The following UBAP2L variants were observed in gnomAD, a reference collection of about 807,000 sequenced individuals.
UBAP2L encodes ubiquitin-associated protein 2-like.
Under a neutral mutation model 130.6 loss-of-function variants are expected in UBAP2L, and 12 were observed. The observed-to-expected ratio is 0.09, with a 90% CI of 0.06 to 0.15. The LOEUF is 0.15. UBAP2L is among the 10% of genes least tolerant of loss of function. The pLI is 1.00. For missense variants in UBAP2L, 965 were observed against 1,332.5 expected (o/e 0.72, Z 4.29); for synonymous variants, 503 against 524.7 (o/e 0.96, Z 0.57).
chr1:154,267,880 C>CTTCTTTTTTTTTTTTTTTTTTTTTTTTT (rs1683765424), intron 25 of UBAP2L, among the ~76,000 whole-genome samples: 1 of 52,056 alleles, frequency 1.9e-5, no homozygotes, highest in African/African-American at 8.2e-5. Flanking sequence ...CTTATTTGGT[C>CTTCTTTTTTTTTTTTTTTTTTTTTTTTT]TTTTTTTTTT....
chr1:154,253,984 C>G lies in UBAP2L; in HGVS notation c.1749C>G (p.Ser583=). 6.2e-7 allele frequency: 1 copy of G among 1,613,950 alleles called. No homozygotes were observed. Among genetic ancestry groups the G allele is most frequent in the South Asian group, 1.1e-5 (1 of 91,052 alleles). Residue 583 remains serine, a synonymous_variant, in exon 15 of 27, where the codon TCC becomes TCG. Transcript: ENST00000428931. ...SGPIQSTTYT[S]QNNAQGPLYE... ...CAATTCAGTCGACAACCTATACCTC[C>G]CAAAATAATGCTCAGGGCCCTCTTT... is the stretch of plus-strand genomic sequence containing the variant.
At position 154,237,056 on chromosome 1, in the gene UBAP2L, C is replaced by G; in HGVS notation, c.623C>G (p.Ala208Gly). ...AACCCAGCTGATTATGCAGAGCCAG[C>G]CAATACTGATGATAACTATGGCAAT... ...TFNPADYAEP[A>G]NTDDNYGNSS... Residue 208 changes from alanine (A) to glycine (G), a missense_variant, in exon 8 of 27, where the codon GCC (alanine) becomes GGC (glycine). This residue lies in a region of UBAP2L where 109 missense variants were observed against 146.6 expected (regional missense o/e 0.74). Coordinates refer to ENST00000428931, the MANE Select transcript of UBAP2L (RefSeq NM_014847.4). 1 of 1,614,112 alleles carries G rather than the reference C, an allele frequency of 6.2e-7. No homozygotes were observed. Among genetic ancestry groups the G allele is most frequent in the Non-Finnish European group, 8.5e-7 (1 of 1,179,984 alleles).
intron 25 of UBAP2L, among the ~76,000 whole-genome samples, chr1:154,268,245 G>GC (rs1440258428): frequency 6.6e-6 from 1 of 151,298 alleles, no homozygotes; most frequent in Non-Finnish European, 1.5e-5. Context: ...AGGCTGGAGT[G>GC]CAGTGGCACA....
At chr1:154,247,933 C>T (rs1269198328) in intron 11 of UBAP2L, among the ~76,000 whole-genome samples, 2 of 151,372 alleles carry the variant, frequency 1.3e-5, no homozygotes, top group East Asian at 3.9e-4. Context: ...ATACAGTGAA[C>T]ACTAGGTAAT....
intron 9 of UBAP2L, chr1:154,241,819 C>T (rs774751810): frequency 1.0e-5 from 10 of 975,576 alleles, no homozygotes; most frequent in South Asian, 4.7e-5. Context: ...ATCTGATTGT[C>T]GGATTTATCC....
At chr1:154,235,701 G>C (rs909217145) in intron 6 of UBAP2L, among the ~76,000 whole-genome samples, 11 of 152,186 alleles carry the variant, frequency 7.2e-5, no homozygotes, top group African/African-American at 2.7e-4. Flanking sequence ...GTAGAGATGG[G>C]CTTTCACTAC....
chr1:154,257,365 C>G lies in UBAP2L; in HGVS notation c.2373C>G (p.Leu791=), dbSNP rs762883684. 1.5e-5 allele frequency: 25 copies of G among 1,613,778 alleles called. No individual in the cohort carries two copies. The highest frequency in any genetic ancestry group is 2.2e-5 in the South Asian group (2 of 91,056). The change falls in exon 20 of 27, where the codon CTC becomes CTG. Residue 791 remains leucine (L), a synonymous_variant. Coordinates refer to ENST00000428931, the MANE Select transcript of UBAP2L (RefSeq NM_014847.4). Reference sequence around the variant, plus strand: ...TTTTAGGAAAAGCTCCTCCCAACCTCCCTCCTGGGGTCCCGCCGTTGTTGC... The same window carrying G: ...TTTTAGGAAAAGCTCCTCCCAACCTGCCTCCTGGGGTCCCGCCGTTGTTGC... ...ATTSGKAPPN[L]PPGVPPLLPN...
chr1:154,269,385 CTG>C (rs1684230330), intron 26 of UBAP2L: 2 of 1,315,928 alleles, frequency 1.5e-6, no homozygotes, highest in South Asian at 1.2e-5. Flanking sequence ...AGATGATTCT[CTG>C]TTGCCAGCGC....
chr1:154,238,347 A>T (rs1672359063), intron 8 of UBAP2L, among the ~76,000 whole-genome samples: 1 of 152,222 alleles, frequency 6.6e-6, no homozygotes, highest in Non-Finnish European at 1.5e-5. Flanking sequence ...ACTGTTCTTC[A>T]TTCATCTCTT....
chr1:154,255,600 T>C (rs1679358251), intron 17 of UBAP2L, 83 bp from the exon 18 acceptor site: 1 of 1,488,408 alleles, frequency 6.7e-7, no homozygotes. Context: ...TTATGTCTTA[T>C]TTCCTTGTTA....
At chr1:154,248,580 G>T (rs1676403270) in intron 11 of UBAP2L, among the ~76,000 whole-genome samples, 1 of 152,146 alleles carries the variant, frequency 6.6e-6, no homozygotes, top group Admixed American at 6.5e-5. Context: ...ACTTTGGGAG[G>T]CCGAGGCGGG....
intron 24 of UBAP2L, among the ~76,000 whole-genome samples, chr1:154,264,173 C>T (rs1215110235): frequency 2.6e-5 from 4 of 152,156 alleles, no homozygotes; most frequent in Admixed American, 6.5e-5. Flanking sequence ...ATAAAGTTAA[C>T]GTGGACAGTG....
At chr1:154,255,400 T>C in intron 17 of UBAP2L, 74 bp downstream of exon 17, 1 of 1,557,854 alleles carries the variant, frequency 6.4e-7, no homozygotes, top group East Asian at 2.2e-5. Flanking sequence ...TATTACTCCC[T>C]TGACCTGGCA....
In UBAP2L at chr1:154,259,971, C is replaced by T; in HGVS notation, c.2520C>T (p.Pro840=). 3.7e-6 allele frequency: 6 copies of T among 1,614,176 alleles called. No individual in the cohort carries two copies. The highest frequency in any genetic ancestry group is 5.1e-6 in the Non-Finnish European group (6 of 1,180,038). ...FPLDYYSIPF[P]TPTTPLTGRD... is the part of the protein sequence containing the mutation. ...AGGATTACTACAGCATCCCATTTCC[C>T]ACACCCACTACTCCGCTGACTGGGA... The change falls in exon 22 of 27, where the codon CCC becomes CCT. Residue 840 remains proline, a synonymous_variant. Coordinates refer to ENST00000428931, the MANE Select transcript of UBAP2L (RefSeq NM_014847.4).
At position 154,257,050 on chromosome 1, in the gene UBAP2L, C is replaced by T. The variant is rs1447508947; in HGVS notation, c.2158-13C>T. ...TTTTCTTCTTCTCTCTTCCACTGCTCCCCCTTTTGAAGCACACAAGTGTGG... is the reference window on the plus strand; with the variant it reads ...TTTTCTTCTTCTCTCTTCCACTGCTTCCCCTTTTGAAGCACACAAGTGTGG... On this transcript the variant is annotated splice_polypyrimidine_tract_variant and intron_variant, in intron 18 of 26. Transcript: ENST00000428931. The T allele has an allele frequency of 1.9e-6, 3 of 1,609,664 alleles. No individual in the cohort carries two copies. The highest frequency in any genetic ancestry group is 1.7e-6 in the Non-Finnish European group (2 of 1,178,126).
At position 154,255,264 on chromosome 1, in the gene UBAP2L, C is replaced by T. The variant is rs1679251396; in HGVS notation, c.2022C>T (p.Ser674=). The T allele has an allele frequency of 6.2e-7, 1 of 1,614,232 alleles. No homozygotes were observed. The highest frequency in any genetic ancestry group is 8.5e-7 in the Non-Finnish European group (1 of 1,180,046). Residue 674 remains serine (S), a synonymous_variant, in exon 17 of 27, where the codon TCC becomes TCT. Transcript: ENST00000428931. ...TGACGACAACCAATCAGCATTCATC[C>T]TCCTTGGGTGGCTTGAGCCACAGTG... ...SLLTTTNQHS[S]SLGGLSHSEE...
intron 24 of UBAP2L, among the ~76,000 whole-genome samples, chr1:154,263,942 A>C (rs572343883): frequency 6.6e-6 from 1 of 152,232 alleles, no homozygotes; most frequent in South Asian, 2.1e-4. Context: ...TAAAGTCATT[A>C]GTGATAAGCT....
Position 154,270,770 on chromosome 1 carries a change from G to GTTC in UBAP2L, c.*477_*478insCTT. The GTTC allele has an allele frequency of 1.1e-6, 1 of 920,448 alleles. No homozygotes were observed. The highest frequency in any genetic ancestry group is 9.0e-5 in the East Asian group (1 of 11,168). The allele number at this position is 920,448 out of a possible 1,614,324, so 57.0% of individuals were successfully genotyped here. On this transcript the variant is annotated 3_prime_UTR_variant, in exon 27 of 27. Transcript: ENST00000428931. ...AATTAGTTGAAGTGGTTTTTTTTTT[G>GTTC]TTTTTTTTTTTTTTTTGTACTGTGT...
rs778066244 is a variant in UBAP2L at position 154,246,304 on chromosome 1, G to T, written c.943G>T (p.Val315Leu). Residue 315 changes from valine to leucine, a missense_variant, in exon 11 of 27, where the codon GTG becomes TTG. This residue lies in a region of UBAP2L where 99 missense variants were observed against 106.4 expected (regional missense o/e 0.93). Transcript: ENST00000428931. ...SQAPSLAQPL[V>L]FSNSKQTAIS... is the part of the protein sequence containing the mutation. Reference sequence around the variant, plus strand: ...GGCTCCTTCTCTGGCCCAGCCTCTGGTGTTCAGTAATTCGAAGCAGACTGC... The same window carrying T: ...GGCTCCTTCTCTGGCCCAGCCTCTGTTGTTCAGTAATTCGAAGCAGACTGC... The T allele has an allele frequency of 6.2e-7, 1 of 1,613,744 alleles. No homozygotes were observed. The highest frequency in any genetic ancestry group is 8.5e-7 in the Non-Finnish European group (1 of 1,179,918).
Sources: gnomAD v4.1 joint callset for allele counts (sites outside exome capture counted in the v4.1 genomes callset) on GRCh38, gnomAD v4.1.1 for gene constraint, gnomAD v4.1.1 regional missense constraint, MANE v1.5 for transcripts, NCBI Gene and HGNC (gene_info 2026-07-23, HGNC 2026-07-21) for gene names.